Variants in CDH4 observed in about 807,000 individuals in gnomAD.
CDH4 encodes cadherin-4.
CDH4 carries 33 observed loss-of-function variants against 86.0 expected under a neutral mutation model. That is an observed-to-expected ratio of 0.38 (90% CI 0.29 to 0.51). The LOEUF (loss-of-function observed/expected upper bound fraction) is 0.51, where lower values mean the gene tolerates loss of function less well. Among genes scored for constraint, CDH4 ranks in the 20% least tolerant of loss-of-function variants. The probability of loss-of-function intolerance (pLI) is 0.86; values close to 1 mark genes in which losing one functional copy is unlikely to be tolerated. For missense variants in CDH4, 1,114 were observed against 1,307.4 expected (o/e 0.85, Z 2.28); for synonymous variants, 555 against 549.4 (o/e 1.01, Z -0.14).
At chr20:61,594,144 G>A (rs1217001514) in intron 2 of CDH4, among the ~76,000 whole-genome samples, 1 of 90,874 alleles carries the variant, frequency 1.1e-5, no homozygotes, top group African/African-American at 4.5e-5. Context: ...AGGTGAGCTG[G>A]GGGGAAGAGG....
chr20:61,302,485 T>C (rs1398833430), intron 2 of CDH4, among the ~76,000 whole-genome samples: 1 of 145,668 alleles, frequency 6.9e-6, no homozygotes, highest in African/African-American at 2.6e-5. Context: ...TTGGCCTGGG[T>C]TGGGGGGGGT....
chr20:61,541,970 AG>A (rs1342370987), intron 2 of CDH4, among the ~76,000 whole-genome samples: 4 of 152,186 alleles, frequency 2.6e-5, no homozygotes, highest in Admixed American at 6.5e-5. Context: ...GAGCAATGAA[AG>A]GTGAGTGGAA....
chr20:61,457,679 C>G (rs2085415827), intron 2 of CDH4, among the ~76,000 whole-genome samples: 1 of 150,812 alleles, frequency 6.6e-6, no homozygotes, highest in Non-Finnish European at 1.5e-5. Flanking sequence ...AGTGCTGACA[C>G]TGGTGGTGGT....
At chr20:61,779,112 C>T (rs1169063356) in intron 4 of CDH4, among the ~76,000 whole-genome samples, 2 of 152,148 alleles carry the variant, frequency 1.3e-5, no homozygotes, top group Admixed American at 1.3e-4. Flanking sequence ...TGACTCCTGG[C>T]GAGATTCAGA....
At chr20:61,565,331 AT>A (rs1568689071) in intron 2 of CDH4, among the ~76,000 whole-genome samples, 1 of 16,526 alleles carries the variant, frequency 6.1e-5, no homozygotes, top group Non-Finnish European at 1.0e-4. Context: ...GCTCTTGGTG[AT>A]GGTGGTAGTG....
intron 2 of CDH4, among the ~76,000 whole-genome samples, chr20:61,318,131 G>A (rs986355994): frequency 6.6e-6 from 1 of 152,196 alleles, no homozygotes; most frequent in East Asian, 1.9e-4. Context: ...CCCACCCTGT[G>A]CTGTTGTGGT....
chr20:61,731,998 C>A (rs926010288), intron 2 of CDH4, among the ~76,000 whole-genome samples: 1 of 152,160 alleles, frequency 6.6e-6, no homozygotes, highest in Non-Finnish European at 1.5e-5. Flanking sequence ...CCAGCGCCAC[C>A]ACCTTCAGAA....
intron 7 of CDH4, among the ~76,000 whole-genome samples, chr20:61,881,894 C>T (rs114514066): frequency 7.9e-4 from 120 of 152,354 alleles, no homozygotes; most frequent in South Asian, 2.9e-3. Context: ...GAGATAAAAT[C>T]GTCTGCATTG....
At chr20:61,397,098 C>T (rs8121815) in intron 2 of CDH4, among the ~76,000 whole-genome samples, 96 of 152,136 alleles carry the variant, frequency 6.3e-4, no homozygotes, top group African/African-American at 2.0e-3. Flanking sequence ...TTTTGTAATA[C>T]GGGGTTTTGC....
rs544484165 is a variant in CDH4 at position 61,802,826 on chromosome 20, G to A, written c.576+29644G>A. 1.2e-4 allele frequency among the ~76,000 whole-genome samples: 19 copies of A among 152,310 alleles called. No homozygotes were observed. In the South Asian group the frequency reaches 3.9e-3, roughly 32 times the overall value. On this transcript the variant is annotated intron_variant, in intron 4 of 15. Coordinates refer to ENST00000614565, the MANE Select transcript of CDH4 (RefSeq NM_001794.5). ...CCACGGGGCCCTGTCTGTGGCCACC[G>A]CCGTCCACAGAGGCTTCACAGGTGC...
At chr20:61,669,522 T>G (rs2145843314) in intron 2 of CDH4, among the ~76,000 whole-genome samples, 1 of 152,324 alleles carries the variant, frequency 6.6e-6, no homozygotes, top group Non-Finnish European at 1.5e-5. Flanking sequence ...AGGTGGCCTA[T>G]GCCTCAGCCC....
At chr20:61,719,622 G>A (rs879906035) in intron 2 of CDH4, 1 of 163,262 alleles carries the variant, frequency 6.1e-6, no homozygotes, top group Non-Finnish European at 1.3e-5. Flanking sequence ...TGTTTAGGCT[G>A]TGCTCACCTG....
intron 2 of CDH4, among the ~76,000 whole-genome samples, chr20:61,616,711 G>C (rs2086727822): frequency 6.6e-6 from 1 of 152,160 alleles, no homozygotes; most frequent in Non-Finnish European, 1.5e-5. Flanking sequence ...CTCCATTCTT[G>C]CTCTTCCTGG....
At chr20:61,449,169 G>A (rs2145543861) in intron 2 of CDH4, among the ~76,000 whole-genome samples, 1 of 152,284 alleles carries the variant, frequency 6.6e-6, no homozygotes, top group South Asian at 2.1e-4. Flanking sequence ...AGGGGCACTG[G>A]TGCCAGCCAC....
intron 2 of CDH4, among the ~76,000 whole-genome samples, chr20:61,712,735 G>A (rs531146685): frequency 6.6e-6 from 1 of 152,322 alleles, no homozygotes; most frequent in South Asian, 2.1e-4. Flanking sequence ...CGAGCTGGCT[G>A]GGAATTCAGA....
At chr20:61,598,871 C>T (rs148727120) in intron 2 of CDH4, among the ~76,000 whole-genome samples, 16 of 152,304 alleles carry the variant, frequency 1.1e-4, no homozygotes, top group African/African-American at 3.8e-4. Flanking sequence ...GCCAAGCTTC[C>T]CTGGATGGCT....
chr20:61,321,554 C>T (rs1240227655), intron 2 of CDH4, among the ~76,000 whole-genome samples: 2 of 152,142 alleles, frequency 1.3e-5, no homozygotes, highest in African/African-American at 4.8e-5. Flanking sequence ...ACCACGTGGC[C>T]TCATCTCCCT....
At chr20:61,586,471 C>T (rs901202087) in intron 2 of CDH4, among the ~76,000 whole-genome samples, 1 of 152,160 alleles carries the variant, frequency 6.6e-6, no homozygotes, top group African/African-American at 2.4e-5. Flanking sequence ...TTTCTGTGGC[C>T]TCCAGCCAGG....
chr20:61,825,537 G>C (rs913462801), intron 4 of CDH4, among the ~76,000 whole-genome samples: 6 of 152,134 alleles, frequency 3.9e-5, no homozygotes, highest in Admixed American at 2.0e-4. Context: ...TCAGTGCCTC[G>C]TATAAAGATC....
Sources: allele counts gnomAD v4.1 joint callset (sites outside exome capture counted in the v4.1 genomes callset), GRCh38; gene constraint gnomAD v4.1.1; transcripts MANE v1.5; gene names NCBI Gene and HGNC (gene_info 2026-07-23, HGNC 2026-07-21).